The following ANG variants were observed in gnomAD, a reference collection of about 807,000 sequenced individuals.
The protein encoded by ANG is angiogenin.
For missense variants in ANG, 178 were observed against 187.4 expected (o/e 0.95, Z 0.29); for synonymous variants, 74 against 73.8 (o/e 1.00, Z -0.02).
At chr14:20,693,392 G>A in intron 1 of ANG, 155 bp from the exon 2 acceptor site, 1 of 950,508 alleles carries the variant, frequency 1.1e-6, no homozygotes. Context: ...TTGACGAAGT[G>A]TGAGGTTAAT....
At chr14:20,693,505 T>G in intron 1 of ANG, 42 bp from the exon 2 acceptor site, 2 of 1,604,220 alleles carry the variant, frequency 1.2e-6, no homozygotes, top group Admixed American at 3.3e-5. Flanking sequence ...AATTTGGTGA[T>G]GCTGTTCTTG....
Position 20,693,610 on chromosome 14 carries a change from C to T in ANG, c.46C>T (p.Leu16=). 6.2e-7 allele frequency: 1 copy of T among 1,613,998 alleles called. No homozygotes were observed. The highest frequency in any genetic ancestry group is 1.1e-5 in the South Asian group (1 of 91,074). Residue 16 remains leucine (L), a synonymous_variant, in exon 2 of 2, where the codon CTG becomes TTG. Coordinates refer to ENST00000397990, the MANE Select transcript of ANG (RefSeq NM_001097577.3). ...TTTGTTGTTGGTCTTCGTGCTGGGT[C>T]TGGGTCTGACCCCACCGACCCTGGC... is the stretch of plus-strand genomic sequence containing the variant. The part of the protein sequence containing the change: ...GVLLLVFVLG[L]GLTPPTLAQD...
chr14:20,690,786 A>G (rs1218181920), intron 1 of ANG, among the ~76,000 whole-genome samples: 1 of 152,244 alleles, frequency 6.6e-6, no homozygotes, highest in East Asian at 1.9e-4. Flanking sequence ...TACTTAAAAA[A>G]TATTAAGGGT....
chr14:20,693,371 G>A (rs902916686), intron 1 of ANG, 176 bp from the exon 2 acceptor site: 6 of 772,086 alleles, frequency 7.8e-6, no homozygotes, highest in East Asian at 2.7e-5. Flanking sequence ...TAGACGTTCC[G>A]CAGGAAGGGA....
chr14:20,686,085 A>G (rs1886413318), upstream of ANG, among the ~76,000 whole-genome samples: 1 of 151,436 alleles, frequency 6.6e-6, no homozygotes, highest in South Asian at 2.1e-4. Context: ...GAAAGCTTCC[A>G]GGCCGGCGAA....
At chr14:20,685,508 TCCCA>T (rs1886381232), upstream of ANG, among the ~76,000 whole-genome samples, 1 of 152,172 alleles carries the variant, frequency 6.6e-6, no homozygotes, top group Non-Finnish European at 1.5e-5. Context: ...AGGACCACCT[TCCCA>T]GAAGCAGCCT....
chr14:20,693,175 G>C (rs1473937466), intron 1 of ANG, among the ~76,000 whole-genome samples: 3 of 152,182 alleles, frequency 2.0e-5, no homozygotes, highest in Non-Finnish European at 4.4e-5. Context: ...ATGTGCCTCA[G>C]GACCTAGCAC....
chr14:20,691,771 A>C (rs749131398), intron 1 of ANG, among the ~76,000 whole-genome samples: 2 of 152,266 alleles, frequency 1.3e-5, no homozygotes, highest in Non-Finnish European at 2.9e-5. Flanking sequence ...CATTAAGTTC[A>C]TAGATTATAA....
At chr14:20,692,113 T>A (rs1480986922) in intron 1 of ANG, among the ~76,000 whole-genome samples, 2 of 152,266 alleles carry the variant, frequency 1.3e-5, no homozygotes, top group African/African-American at 4.8e-5. Flanking sequence ...ATTAATTTAA[T>A]GTCTTTGAAA....
At chr14:20,685,042 G>A (rs1886358759), upstream of ANG, among the ~76,000 whole-genome samples, 1 of 152,132 alleles carries the variant, frequency 6.6e-6, no homozygotes, top group Admixed American at 6.5e-5. Context: ...CGAACCTAAG[G>A]GAAGCCCTAG....
In ANG at chr14:20,693,983, A is replaced by T. The variant is rs1383207418; in HGVS notation, c.419A>T (p.Asp140Val). The T allele has an allele frequency of 1.2e-6, 2 of 1,614,044 alleles. No homozygotes were observed. Among genetic ancestry groups the T allele is most frequent in the East Asian group, 4.5e-5 (2 of 44,864 alleles). Residue 140 changes from aspartate (D) to valine (V), a missense_variant, in exon 2 of 2, where the codon GAT becomes GTT. Coordinates refer to ENST00000397990, the MANE Select transcript of ANG (RefSeq NM_001097577.3). ...GAAAATGGCTTACCTGTCCACTTGGATCAGTCAATTTTCCGTCGTCCGTAA... is the reference window on the plus strand; with the variant it reads ...GAAAATGGCTTACCTGTCCACTTGGTTCAGTCAATTTTCCGTCGTCCGTAA... ...ACENGLPVHL[D>V]QSIFRRP
chr14:20,693,619 A>G lies in ANG; in HGVS notation c.55A>G (p.Thr19Ala). ...LLVFVLGLGL[T>A]PPTLAQDNSR... Reference sequence around the variant, plus strand: ...GGTCTTCGTGCTGGGTCTGGGTCTGACCCCACCGACCCTGGCTCAGGATAA... The same window carrying G: ...GGTCTTCGTGCTGGGTCTGGGTCTGGCCCCACCGACCCTGGCTCAGGATAA... Residue 19 changes from threonine to alanine, a missense_variant, in exon 2 of 2, where the codon ACC (threonine) becomes GCC (alanine). By Grantham distance (58) the Thr-to-Ala change is moderately conservative. Coordinates refer to ENST00000397990, the MANE Select transcript of ANG (RefSeq NM_001097577.3). The G allele has an allele frequency of 1.2e-6, 2 of 1,613,550 alleles. No individual in the cohort carries two copies. Among genetic ancestry groups the G allele is most frequent in the South Asian group, 2.2e-5 (2 of 91,066 alleles).
At chr14:20,688,903 A>G in intron 1 of ANG, 29 bp downstream of exon 1, 1 of 970,518 alleles carries the variant, frequency 1.0e-6, no homozygotes, top group South Asian at 4.8e-5. Flanking sequence ...TGTTTTATAT[A>G]TTATTTCTAG....
At position 20,693,748 on chromosome 14, in the gene ANG, C is replaced by T; in HGVS notation, c.184C>T (p.Pro62Ser). 6.2e-7 allele frequency: 1 copy of T among 1,614,180 alleles called. No individual in the cohort carries two copies. The highest frequency in any genetic ancestry group is 1.1e-5 in the South Asian group (1 of 91,084). ...CATGAGGAGACGGGGCCTGACCTCA[C>T]CCTGCAAAGACATCAACACATTTAT... ...SIMRRRGLTS[P>S]CKDINTFIHG... Residue 62 changes from proline to serine, a missense_variant, in exon 2 of 2, where the codon CCC (proline) becomes TCC (serine). Transcript: ENST00000397990.
Position 20,693,150 on chromosome 14 carries a change from A to G in ANG, c.-18-397A>G, listed in dbSNP as rs540552538. 2.0e-5 allele frequency among the ~76,000 whole-genome samples: 3 copies of G among 152,288 alleles called. No individual in the cohort carries two copies. The South Asian group carries it at 6.2e-4, about 32-fold the overall frequency. On this transcript the variant is annotated intron_variant, in intron 1 of 1. Coordinates refer to ENST00000397990, the MANE Select transcript of ANG (RefSeq NM_001097577.3). ...GCGTGAGCCACCGCGCCCGGCCGTC[A>G]TTTGGTATGTCTTAATGTGCCTCAG...
intron 1 of ANG, among the ~76,000 whole-genome samples, chr14:20,692,941 G>A (rs1006723566): frequency 5.9e-5 from 9 of 152,122 alleles, no homozygotes; most frequent in African/African-American, 1.9e-4. Context: ...TCCGCCTCCC[G>A]GGTTCACGCC....
intron 1 of ANG, among the ~76,000 whole-genome samples, chr14:20,690,508 G>A (rs1341656181): frequency 6.6e-6 from 1 of 152,122 alleles, no homozygotes; most frequent in African/African-American, 2.4e-5. Context: ...TTTTGAGTGA[G>A]GGAGCAGATG....
chr14:20,688,914 C>T (rs1886553562), intron 1 of ANG, 40 bp downstream of exon 1: 6 of 952,250 alleles, frequency 6.3e-6, no homozygotes, highest in South Asian at 9.7e-5. Context: ...TTATTTCTAG[C>T]CATCCATCCA....
Position 20,693,539 on chromosome 14 carries a change from C to T in ANG, c.-18-8C>T, listed in dbSNP as rs912630229. 1.2e-5 allele frequency: 20 copies of T among 1,609,750 alleles called. No individual in the cohort carries two copies. The highest frequency in any genetic ancestry group is 5.3e-5 in the African/African-American group (4 of 74,956). ...TGGGTCTACCACACCTCCTTTTGCC[C>T]TCCGCAGGAGCCTGTGTTGGAAGAG... On this transcript the variant is annotated splice_region_variant and splice_polypyrimidine_tract_variant and intron_variant, in intron 1 of 1. Coordinates refer to ENST00000397990, the MANE Select transcript of ANG (RefSeq NM_001097577.3).
Sources: allele counts gnomAD v4.1 joint callset (sites outside exome capture counted in the v4.1 genomes callset), GRCh38; gene constraint gnomAD v4.1.1; transcripts MANE v1.5; gene names NCBI Gene and HGNC (gene_info 2026-07-23, HGNC 2026-07-21).